The following SLC24A2 variants were observed in gnomAD, a reference collection of about 807,000 sequenced individuals.
SLC24A2 encodes the protein sodium/potassium/calcium exchanger 2.
Under a neutral mutation model 62.0 loss-of-function variants are expected in SLC24A2, and 36 were observed. The ratio of observed to expected loss-of-function variants is 0.58; its 90% CI spans 0.44 to 0.77. The LOEUF is 0.77. Among genes scored for constraint, SLC24A2 ranks in the 30% least tolerant of loss-of-function variants. The pLI, the probability that SLC24A2 is intolerant of heterozygous loss-of-function variation, is 0.00. For missense variants in SLC24A2, 846 were observed against 817.9 expected, an observed-to-expected ratio of 1.03 and a Z score of -0.42; for synonymous variants, 358 against 294.0, an observed-to-expected ratio of 1.22 and a Z score of -2.23.
In SLC24A2 at chr9:19,701,749, A is replaced by G. The variant is rs146080480; in HGVS notation, c.931-79450T>C. Among the ~76,000 whole-genome samples, 563 of 152,316 alleles carry G rather than the reference A, an allele frequency of 3.7e-3. 14 individuals carry two copies. The highest frequency in any genetic ancestry group is 0.034 in the Admixed American group (522 of 15,302). Reference sequence around the variant, plus strand: ...CCTCTTCTCTTTATAATCAAAACCGAGACAGGAGAATGTGCTGGTGAAAAT... The same window carrying G: ...CCTCTTCTCTTTATAATCAAAACCGGGACAGGAGAATGTGCTGGTGAAAAT... On this transcript the variant is annotated intron_variant, in intron 2 of 10. Coordinates refer to ENST00000341998, the MANE Select transcript of SLC24A2 (RefSeq NM_020344.4).
chr9:20,007,415 T>C, the SLC24A2 span, among the ~76,000 whole-genome samples: 2 of 152,120 alleles, frequency 1.3e-5, no homozygotes, highest in Non-Finnish European at 2.9e-5. Flanking sequence ...GGTGGGGTAA[T>C]TTGTGTGACA....
chr9:19,529,221 A>G (rs966718341), intron 8 of SLC24A2, among the ~76,000 whole-genome samples: 2 of 152,158 alleles, frequency 1.3e-5, no homozygotes, highest in Non-Finnish European at 2.9e-5. Flanking sequence ...TGAATTTTAG[A>G]GTTGACTTGT....
the SLC24A2 span, among the ~76,000 whole-genome samples, chr9:19,846,948 G>A: frequency 6.6e-6 from 1 of 152,070 alleles, no homozygotes; most frequent in Non-Finnish European, 1.5e-5. Flanking sequence ...CTTGAACTTG[G>A]AATGTCGAGG....
At chr9:20,063,393 C>T in the SLC24A2 span, among the ~76,000 whole-genome samples, 1 of 149,334 alleles carries the variant, frequency 6.7e-6, no homozygotes, top group Non-Finnish European at 1.5e-5. Context: ...ATTGCAAGAA[C>T]AAAAAACCAA....
At chr9:19,986,531 G>C in the SLC24A2 span, among the ~76,000 whole-genome samples, 2 of 152,028 alleles carry the variant, frequency 1.3e-5, no homozygotes, top group East Asian at 3.9e-4. Context: ...AAGATGGAAA[G>C]AACCCAAATG....
the SLC24A2 span, among the ~76,000 whole-genome samples, chr9:19,853,519 G>C: frequency 6.6e-6 from 1 of 152,152 alleles, no homozygotes; most frequent in Non-Finnish European, 1.5e-5. Context: ...TAACATGAAG[G>C]GATGTTGAAT....
At chr9:19,739,635 C>G (rs1017816341) in intron 2 of SLC24A2, among the ~76,000 whole-genome samples, 1 of 152,040 alleles carries the variant, frequency 6.6e-6, no homozygotes, top group African/African-American at 2.4e-5. Flanking sequence ...GAATTTCACC[C>G]CTATCTTACG....
the SLC24A2 span, among the ~76,000 whole-genome samples, chr9:19,825,023 G>T: frequency 1.3e-5 from 2 of 152,116 alleles, no homozygotes; most frequent in South Asian, 2.1e-4. Flanking sequence ...CTATCAGGGG[G>T]TGGGGACAAA....
chr9:20,272,730 T>C, the SLC24A2 span, among the ~76,000 whole-genome samples: 2 of 152,146 alleles, frequency 1.3e-5, no homozygotes. Context: ...CATCTCTTGT[T>C]CCAGTCAAGG....
the SLC24A2 span, among the ~76,000 whole-genome samples, chr9:19,919,569 T>C: frequency 7.2e-5 from 11 of 151,984 alleles, no homozygotes; most frequent in South Asian, 2.3e-3. Context: ...GGAAAAAACC[T>C]CTTTTTTTCC....
chr9:19,656,301 G>T (rs1818940280), intron 2 of SLC24A2, among the ~76,000 whole-genome samples: 1 of 152,200 alleles, frequency 6.6e-6, no homozygotes, highest in Non-Finnish European at 1.5e-5. Context: ...GGGAAATGTG[G>T]AGTGCTATGT....
the SLC24A2 span, among the ~76,000 whole-genome samples, chr9:20,081,981 C>T: frequency 2.4e-4 from 36 of 152,262 alleles, no homozygotes; most frequent in Admixed American, 2.4e-3. Flanking sequence ...CCAGCCATCC[C>T]TCATCACCTT....
chr9:20,248,346 G>A, the SLC24A2 span, among the ~76,000 whole-genome samples: 6 of 152,260 alleles, frequency 3.9e-5, no homozygotes, highest in East Asian at 3.9e-4. Context: ...TATTTGGTTC[G>A]GGCTGCTATC....
In SLC24A2 at chr9:19,759,628, T is replaced by C. The variant is rs561576422; in HGVS notation, c.930+26309A>G. ...TTGCTGTATCTCTTTAAGTAAAGAA[T>C]ACTCTAGTTGACTTTGGTTTTGACA... is the stretch of plus-strand genomic sequence containing the variant. On this transcript the variant is annotated intron_variant, in intron 2 of 10. Transcript: ENST00000341998. Among the ~76,000 whole-genome samples, 5 of 152,338 alleles carry C rather than the reference T, an allele frequency of 3.3e-5. No individual in the cohort carries two copies. In the South Asian group the frequency reaches 1.0e-3, roughly 32 times the overall value.
At chr9:19,695,660 C>A (rs1002949981) in intron 2 of SLC24A2, among the ~76,000 whole-genome samples, 1 of 113,550 alleles carries the variant, frequency 8.8e-6, no homozygotes, top group Non-Finnish European at 1.7e-5. Flanking sequence ...TTATTCATAG[C>A]AGCATTGCTT....
At chr9:20,018,157 C>T in the SLC24A2 span, among the ~76,000 whole-genome samples, 1 of 152,092 alleles carries the variant, frequency 6.6e-6, no homozygotes, top group East Asian at 1.9e-4. Flanking sequence ...CCATGTTAGC[C>T]AGGATGATTT....
chr9:20,072,586 C>A, the SLC24A2 span, among the ~76,000 whole-genome samples: 3 of 151,638 alleles, frequency 2.0e-5, no homozygotes, highest in Admixed American at 2.0e-4. Flanking sequence ...AGAGACTTTG[C>A]AGATATGATT....
the SLC24A2 span, among the ~76,000 whole-genome samples, chr9:19,868,204 T>A: frequency 6.6e-6 from 1 of 152,072 alleles, no homozygotes; most frequent in African/African-American, 2.4e-5. Context: ...TTGAAAAAAA[T>A]TGTTTTCATT....
At chr9:20,038,859 G>A in the SLC24A2 span, among the ~76,000 whole-genome samples, 1 of 152,150 alleles carries the variant, frequency 6.6e-6, no homozygotes, top group Admixed American at 6.5e-5. Flanking sequence ...AGGCAGGAAA[G>A]ATAAGTCGAG....
Sources: allele counts gnomAD v4.1 joint callset (sites outside exome capture counted in the v4.1 genomes callset), GRCh38; gene constraint gnomAD v4.1.1; transcripts MANE v1.5; gene names NCBI Gene and HGNC (gene_info 2026-07-23, HGNC 2026-07-21).